The following PRKCE variants were observed in gnomAD, a reference collection of about 807,000 sequenced individuals.
PRKCE encodes the protein protein kinase C epsilon.
PRKCE carries 16 observed loss-of-function variants against 85.4 expected under a neutral mutation model. The ratio of observed to expected loss-of-function variants is 0.19; its 90% CI spans 0.13 to 0.28. The LOEUF is 0.28. Among genes scored for constraint, PRKCE ranks in the 10% least tolerant of loss-of-function variants. The pLI is 1.00. For missense variants in PRKCE, 573 were observed against 975.2 expected, an observed-to-expected ratio of 0.59 and a Z score of 5.49; for synonymous variants, 388 against 371.5, an observed-to-expected ratio of 1.04 and a Z score of -0.51.
chr2:45,784,027 G>A (rs974899600), intron 1 of PRKCE, among the ~76,000 whole-genome samples: 9 of 152,244 alleles, frequency 5.9e-5, no homozygotes, highest in African/African-American at 2.2e-4. Flanking sequence ...TCACCCACTA[G>A]CATCGCTGTA....
intron 1 of PRKCE, among the ~76,000 whole-genome samples, chr2:45,831,534 T>A (rs1252341544): frequency 1.7e-5 from 2 of 118,304 alleles, no homozygotes; most frequent in African/African-American, 1.0e-4. Flanking sequence ...GGTGTGTGAG[T>A]TTTTTTGTAG....
At chr2:46,052,236 A>T (rs559468982) in intron 10 of PRKCE, among the ~76,000 whole-genome samples, 30 of 152,344 alleles carry the variant, frequency 2.0e-4, no homozygotes, top group African/African-American at 7.0e-4. Flanking sequence ...TCTGATATGT[A>T]GAAAATACTA....
At chr2:45,759,825 G>A (rs990525769) in intron 1 of PRKCE, among the ~76,000 whole-genome samples, 3 of 152,116 alleles carry the variant, frequency 2.0e-5, no homozygotes, top group East Asian at 1.9e-4. Flanking sequence ...AGGGAGGGGC[G>A]GTGGAATCTC....
At chr2:46,051,369 A>G (rs1441387577) in intron 10 of PRKCE, among the ~76,000 whole-genome samples, 1 of 152,172 alleles carries the variant, frequency 6.6e-6, no homozygotes, top group Non-Finnish European at 1.5e-5. Flanking sequence ...GTGACTGTGA[A>G]GGTGGGGAGC....
At chr2:45,859,818 T>G (rs546674898) in intron 2 of PRKCE, among the ~76,000 whole-genome samples, 2 of 152,276 alleles carry the variant, frequency 1.3e-5, no homozygotes, top group East Asian at 3.9e-4. Flanking sequence ...ATGTTTCTGC[T>G]TGGGCCAATG....
intron 5 of PRKCE, among the ~76,000 whole-genome samples, chr2:45,984,084 C>T (rs1350875936): frequency 2.0e-5 from 3 of 151,794 alleles, no homozygotes; most frequent in South Asian, 2.1e-4. Context: ...ATTACAGGCT[C>T]GCACCACCAT....
intron 1 of PRKCE, among the ~76,000 whole-genome samples, chr2:45,828,637 C>G (rs1405212648): frequency 6.6e-6 from 1 of 151,900 alleles, no homozygotes; most frequent in Non-Finnish European, 1.5e-5. Flanking sequence ...GACTGAGTTT[C>G]TTTTCTTTTC....
intron 1 of PRKCE, among the ~76,000 whole-genome samples, chr2:45,833,070 C>A (rs1690565875): frequency 6.7e-6 from 1 of 149,624 alleles, no homozygotes; most frequent in Non-Finnish European, 1.5e-5. Context: ...GTAATCCCAG[C>A]ACTTTGGGAG....
At chr2:46,104,166 T>G (rs1201645927) in intron 11 of PRKCE, among the ~76,000 whole-genome samples, 1 of 152,212 alleles carries the variant, frequency 6.6e-6, no homozygotes, top group African/African-American at 2.4e-5. Flanking sequence ...TACTTCTTCT[T>G]CCTCATCATC....
chr2:46,125,391 T>A (rs1673750367), intron 11 of PRKCE, among the ~76,000 whole-genome samples: 1 of 152,194 alleles, frequency 6.6e-6, no homozygotes, highest in African/African-American at 2.4e-5. Flanking sequence ...ACATTTTAGG[T>A]AACAGTGACT....
intron 1 of PRKCE, among the ~76,000 whole-genome samples, chr2:45,773,339 A>G (rs1380280215): frequency 6.6e-6 from 1 of 152,136 alleles, no homozygotes; most frequent in African/African-American, 2.4e-5. Flanking sequence ...GGAGATGATG[A>G]TGGCCGAAGT....
chr2:45,862,754 C>T (rs1558765140), intron 2 of PRKCE, among the ~76,000 whole-genome samples: 1 of 152,030 alleles, frequency 6.6e-6, no homozygotes, highest in Non-Finnish European at 1.5e-5. Context: ...TATTCTGCTC[C>T]CCAAGGCTGT....
In PRKCE at chr2:45,937,486, G is replaced by A. The variant is rs140077463; in HGVS notation, c.413-38943G>A. On this transcript the variant is annotated intron_variant, in intron 2 of 14. Transcript: ENST00000306156. The stretch of plus-strand genomic sequence containing the variant: ...CCAGCACTTTGGGAGGCTCAGGCGC[G>A]CGGATCACGAGGTCAGGAGATGAAG... Among the ~76,000 whole-genome samples, 662 of 152,330 alleles carry A rather than the reference G, an allele frequency of 4.3e-3. 6 individuals are homozygous for A. The highest frequency in any genetic ancestry group is 8.4e-3 in the African/African-American group (351 of 41,580).
chr2:45,945,894 T>A (rs78267149), intron 2 of PRKCE, among the ~76,000 whole-genome samples: 2,658 of 152,358 alleles, frequency 0.017, 29 homozygotes, highest in Middle Eastern at 0.051. Context: ...CTCTATCTCC[T>A]TAAAAGACAC....
At chr2:45,862,851 C>G (rs1391244959) in intron 2 of PRKCE, among the ~76,000 whole-genome samples, 1 of 152,178 alleles carries the variant, frequency 6.6e-6, no homozygotes, top group Non-Finnish European at 1.5e-5. Flanking sequence ...CAGGGTGCCC[C>G]TAGGCTCAAA....
chr2:46,064,280 C>CAAAAA (rs58347072), intron 10 of PRKCE, among the ~76,000 whole-genome samples: 214 of 90,668 alleles, frequency 2.4e-3, no homozygotes, highest in Non-Finnish European at 3.9e-3. Flanking sequence ...GACTCTGTCT[C>CAAAAA]AAAAAAAAAA....
At chr2:45,748,369 T>A (rs1045910744) in intron 1 of PRKCE, among the ~76,000 whole-genome samples, 1 of 152,218 alleles carries the variant, frequency 6.6e-6, no homozygotes, top group Admixed American at 6.5e-5. Context: ...CCTGCCTGAC[T>A]CCCCACGTTG....
chr2:45,994,810 A>G (rs1301338774), intron 6 of PRKCE, among the ~76,000 whole-genome samples: 1 of 152,204 alleles, frequency 6.6e-6, no homozygotes, highest in Non-Finnish European at 1.5e-5. Flanking sequence ...TCAGTAGTGT[A>G]ATTGCTGGAT....
chr2:46,129,314 C>T (rs1007119125), intron 11 of PRKCE, among the ~76,000 whole-genome samples: 2 of 152,162 alleles, frequency 1.3e-5, no homozygotes, highest in African/African-American at 4.8e-5. Flanking sequence ...GGTGGGGGCC[C>T]ATGGCAGGTG....
Sources: allele counts gnomAD v4.1 joint callset (sites outside exome capture counted in the v4.1 genomes callset), GRCh38; gene constraint gnomAD v4.1.1; transcripts MANE v1.5; gene names NCBI Gene and HGNC (gene_info 2026-07-23, HGNC 2026-07-21).